The following FAT3 variants were observed in gnomAD, a reference collection of about 807,000 sequenced individuals.
The protein encoded by FAT3 is FAT atypical cadherin 3.
FAT3 carries 95 observed loss-of-function variants against 310.2 expected under a neutral mutation model. That is an observed-to-expected ratio of 0.31 (90% CI 0.26 to 0.36). The LOEUF (loss-of-function observed/expected upper bound fraction) is 0.36, where lower values mean the gene tolerates loss of function less well. Among genes scored for constraint, FAT3 ranks in the 10% least tolerant of loss-of-function variants. FAT3 has a pLI of 1.00. For missense variants in FAT3, 5,408 were observed against 5,715.6 expected, an observed-to-expected ratio of 0.95 and a Z score of 1.74; for synonymous variants, 2,314 against 2,192.9, an observed-to-expected ratio of 1.06 and a Z score of -1.54.
chr11:92,425,448 T>TA (rs1255190128), intron 2 of FAT3, among the ~76,000 whole-genome samples: 5 of 152,130 alleles, frequency 3.3e-5, no homozygotes, highest in African/African-American at 1.2e-4. Context: ...GCAGGTTTGT[T>TA]ACATAGGTAT....
At chr11:92,532,469 GA>G (rs1458408505) in intron 3 of FAT3, among the ~76,000 whole-genome samples, 1 of 152,240 alleles carries the variant, frequency 6.6e-6, no homozygotes, top group East Asian at 1.9e-4. Context: ...AAATTTAAAA[GA>G]GAAGAAATCC....
At chr11:92,618,343 G>A (rs560573927) in intron 3 of FAT3, among the ~76,000 whole-genome samples, 27 of 152,312 alleles carry the variant, frequency 1.8e-4, no homozygotes, top group African/African-American at 6.5e-4. Flanking sequence ...GCAGTATTAG[G>A]GGTGGGAGTG....
intron 2 of FAT3, among the ~76,000 whole-genome samples, chr11:92,474,288 T>G (rs1257471864): frequency 6.6e-6 from 1 of 152,132 alleles, no homozygotes; most frequent in African/African-American, 2.4e-5. Flanking sequence ...CATGAGAAAT[T>G]TATTACCAGG....
At chr11:92,747,018 G>T (rs1055946387) in intron 4 of FAT3, among the ~76,000 whole-genome samples, 3 of 152,182 alleles carry the variant, frequency 2.0e-5, no homozygotes, top group Non-Finnish European at 4.4e-5. Context: ...CAAGCTGTTG[G>T]TGGATCTACC....
intron 3 of FAT3, among the ~76,000 whole-genome samples, chr11:92,553,675 CCCTT>C (rs55981814): frequency 0.022 from 2,372 of 108,314 alleles, 41 homozygotes; most frequent in African/African-American, 0.037. Flanking sequence ...GAATCTCCGT[CCCTT>C]CCTTCCTTCC....
intron 3 of FAT3, among the ~76,000 whole-genome samples, chr11:92,594,515 CA>C (rs554887094): frequency 7.2e-4 from 110 of 152,238 alleles, no homozygotes; most frequent in African/African-American, 2.4e-3. Flanking sequence ...AAACAAAGGC[CA>C]TTTTTCATTC....
intron 4 of FAT3, among the ~76,000 whole-genome samples, chr11:92,718,024 C>T (rs1314242696): frequency 1.3e-5 from 2 of 152,124 alleles, no homozygotes; most frequent in Admixed American, 1.3e-4. Context: ...CCCCTTGGGT[C>T]TGGGCTGGCT....
At chr11:92,819,164 A>G (rs11020067) in intron 13 of FAT3, among the ~76,000 whole-genome samples, 1 of 152,124 alleles carries the variant, frequency 6.6e-6, no homozygotes, top group African/African-American at 2.4e-5. Context: ...GCTGCAGACA[A>G]CATGATAGGG....
At chr11:92,846,768 C>A (rs1236185548) in intron 19 of FAT3, among the ~76,000 whole-genome samples, 2 of 152,182 alleles carry the variant, frequency 1.3e-5, no homozygotes, top group Non-Finnish European at 2.9e-5. Context: ...CAAGAGGAGG[C>A]CTTCTGGGTT....
intron 2 of FAT3, among the ~76,000 whole-genome samples, chr11:92,410,276 A>AT (rs1399849564): frequency 6.6e-6 from 1 of 151,740 alleles, no homozygotes; most frequent in Non-Finnish European, 1.5e-5. Flanking sequence ...GTTCACTTGA[A>AT]TTTTTTTATA....
chr11:92,637,206 G>C (rs1387686929), intron 3 of FAT3, among the ~76,000 whole-genome samples: 1 of 152,176 alleles, frequency 6.6e-6, no homozygotes, highest in African/African-American at 2.4e-5. Context: ...GTGTAAGTGA[G>C]AGAAGGAATG....
At chr11:92,392,229 C>G (rs756573049) in intron 2 of FAT3, among the ~76,000 whole-genome samples, 1 of 152,120 alleles carries the variant, frequency 6.6e-6, no homozygotes, top group African/African-American at 2.4e-5. Flanking sequence ...ATACATTTTC[C>G]TACCTCTAAG....
At chr11:92,582,193 C>T (rs1219767478) in intron 3 of FAT3, among the ~76,000 whole-genome samples, 2 of 151,866 alleles carry the variant, frequency 1.3e-5, no homozygotes, top group African/African-American at 2.4e-5. Flanking sequence ...TGGGCTTTGG[C>T]TGGCTTCTTT....
At chr11:92,277,735 G>T (rs1438849402) in intron 1 of FAT3, among the ~76,000 whole-genome samples, 2 of 152,024 alleles carry the variant, frequency 1.3e-5, no homozygotes, top group Non-Finnish European at 2.9e-5. Flanking sequence ...GGGTTGAAAA[G>T]CTACCTGTTG....
intron 3 of FAT3, among the ~76,000 whole-genome samples, chr11:92,572,539 A>G (rs1938234100): frequency 6.6e-6 from 1 of 152,216 alleles, no homozygotes; most frequent in South Asian, 2.1e-4. Context: ...CAATATTGCA[A>G]CCTTAATGAT....
In FAT3 at chr11:92,353,087, G is replaced by C; in HGVS notation, c.975G>C (p.Lys325Asn). The part of the protein sequence containing the change: ...AKEGKWLNEY[K>N]IKERKQIDWE... Reference sequence around the variant, plus strand: ...AAGGAAAGTGGTTGAATGAGTACAAGATTAAGGAGAGGAAGCAGATTGACT... The same window carrying C: ...AAGGAAAGTGGTTGAATGAGTACAACATTAAGGAGAGGAAGCAGATTGACT... The change falls in exon 2 of 28, where the codon AAG (lysine) becomes AAC (asparagine). Residue 325 changes from lysine (K) to asparagine (N), a missense_variant. Transcript: ENST00000525166. The C allele has an allele frequency of 1.2e-6, 2 of 1,613,702 alleles. No individual in the cohort carries two copies. Among genetic ancestry groups the C allele is most frequent in the South Asian group, 2.2e-5 (2 of 91,072 alleles).
chr11:92,840,692 A>C lies in FAT3; in HGVS notation c.10499A>C (p.His3500Pro). The change falls in exon 18 of 28, where the codon CAT (histidine) becomes CCT (proline). Residue 3500 changes from histidine (H) to proline (P), a missense_variant. Physicochemically the swap from His to Pro is moderately conservative, Grantham distance 77. Transcript: ENST00000525166. ...NEEEEFVLDP[H>P]GILRSAVVFQ... ...GAGGAGGAGTTTGTGTTGGACCCTC[A>C]TGGGATCTTGCGGTCGGCTGTGGTC... The C allele has an allele frequency of 1.9e-6, 3 of 1,611,406 alleles. No individual in the cohort carries two copies. The highest frequency in any genetic ancestry group is 4.5e-5 in the East Asian group (2 of 44,788).
At chr11:92,712,274 C>T (rs193163394) in intron 4 of FAT3, among the ~76,000 whole-genome samples, 1 of 152,122 alleles carries the variant, frequency 6.6e-6, no homozygotes, top group Admixed American at 6.5e-5. Context: ...CCATCAGTTC[C>T]AACTTGGAGC....
chr11:92,854,378 G>A (rs1948915962), intron 19 of FAT3, among the ~76,000 whole-genome samples: 1 of 152,142 alleles, frequency 6.6e-6, no homozygotes, highest in Non-Finnish European at 1.5e-5. Context: ...GCTGTGCCCA[G>A]GAGTGCAGGG....
Sources: gnomAD v4.1 joint callset for allele counts (sites outside exome capture counted in the v4.1 genomes callset) on GRCh38, gnomAD v4.1.1 for gene constraint, MANE v1.5 for transcripts, NCBI Gene and HGNC (gene_info 2026-07-23, HGNC 2026-07-21) for gene names.